Variants in LRP1-AS observed in about 807,000 individuals in gnomAD.
LRP1-AS encodes LRP1 antisense RNA.
At chr12:57,146,176 C>T (rs911375050) in intron 1 of LRP1-AS, among the ~76,000 whole-genome samples, 2 of 151,972 alleles carry the variant, frequency 1.3e-5, no homozygotes, top group Non-Finnish European at 2.9e-5. Flanking sequence ...GACCCACTGC[C>T]GGGAACAGCC....
chr12:57,146,990 T>C (rs2035422708), intron 1 of LRP1-AS, among the ~76,000 whole-genome samples: 1 of 152,066 alleles, frequency 6.6e-6, no homozygotes, highest in Admixed American at 6.5e-5. Flanking sequence ...CTATGGGGTG[T>C]CCTGGAGGTA....
exon 1 of LRP1-AS, chr12:57,147,466 A>C (rs1223398137): frequency 6.6e-6 from 1 of 152,106 alleles, no homozygotes; most frequent in Non-Finnish European, 1.5e-5. Flanking sequence ...GCCTGTAATT[A>C]GCTCCCCAAG....
At chr12:57,147,093 G>A (rs1222949574) in intron 1 of LRP1-AS, among the ~76,000 whole-genome samples, 1 of 151,708 alleles carries the variant, frequency 6.6e-6, no homozygotes, top group African/African-American at 2.4e-5. Flanking sequence ...GATTTGCCTT[G>A]CCTCCCAGTC....
At chr12:57,144,867 T>G in exon 2 of LRP1-AS, 1 of 1,182,068 alleles carries the variant, frequency 8.5e-7, no homozygotes, top group Non-Finnish European at 1.2e-6. Context: ...GAACTGTCCT[T>G]CAAGGTAGCT....
At chr12:57,146,164 T>A (rs2035401784) in intron 1 of LRP1-AS, among the ~76,000 whole-genome samples, 1 of 152,128 alleles carries the variant, frequency 6.6e-6, no homozygotes, top group Admixed American at 6.5e-5. Context: ...TAGCTGGGTG[T>A]AGACCCACTG....
At chr12:57,146,024 G>A (rs536152824) in intron 1 of LRP1-AS, among the ~76,000 whole-genome samples, 8 of 152,320 alleles carry the variant, frequency 5.3e-5, no homozygotes, top group African/African-American at 1.2e-4. Context: ...AGTGAATGAG[G>A]CTGGGAGAGG....
chr12:57,146,356 C>T (rs1001635431), intron 1 of LRP1-AS: 17 of 152,216 alleles, frequency 1.1e-4, no homozygotes, highest in Non-Finnish European at 1.8e-4. Flanking sequence ...AACCAGAATT[C>T]CCATCTCTGC....
intron 1 of LRP1-AS, chr12:57,145,285 G>A (rs760353175): frequency 2.5e-6 from 4 of 1,614,144 alleles, no homozygotes; most frequent in South Asian, 1.1e-5. Context: ...TCTTGGCCAC[G>A]TACCTGAGTG....
exon 2 of LRP1-AS, chr12:57,144,652 G>A (rs1028301194): frequency 3.0e-6 from 1 of 331,538 alleles, no homozygotes. Context: ...TTTATTATCT[G>A]AATATAAGTT....
At chr12:57,145,604 G>A (rs2035389447) in intron 1 of LRP1-AS, 4 of 1,329,758 alleles carry the variant, frequency 3.0e-6, no homozygotes, top group African/African-American at 1.4e-5. Context: ...TCTGGGGCAG[G>A]AGAAGCAGGA....
At chr12:57,145,355 A>G (rs768287811) in intron 1 of LRP1-AS, 1 of 1,614,186 alleles carries the variant, frequency 6.2e-7, no homozygotes, top group South Asian at 1.1e-5. Context: ...CATGGACTTC[A>G]GCTATGCCAA....
chr12:57,146,797 G>A (rs1300479902), intron 1 of LRP1-AS: 2 of 152,520 alleles, frequency 1.3e-5, no homozygotes, highest in East Asian at 1.9e-4. Context: ...AGCTCTTAAC[G>A]AGTGGGCGAC....
At chr12:57,144,921 G>A (rs1259421570) in exon 2 of LRP1-AS, 22 of 1,583,492 alleles carry the variant, frequency 1.4e-5, no homozygotes, top group South Asian at 2.2e-5. Flanking sequence ...CACCCACTTC[G>A]TTGCCCTTGT....
chr12:57,144,917 C>T lies in LRP1-AS; in HGVS notation n.348G>A, dbSNP rs563224087. 8.3e-5 allele frequency: 131 copies of T among 1,570,770 alleles called. No homozygotes were observed. The South Asian group carries it at 1.4e-3, about 16-fold the overall frequency. On this transcript the variant is annotated non_coding_transcript_exon_variant, in exon 2 of 2. Coordinates refer to ENST00000555461, the Ensembl canonical transcript of LRP1-AS. Reference sequence around the variant, plus strand: ...GTTGATCATGTCTGATGATCACCCACTTCGTTGCCCTTGTCACACTGGAAA... The same window carrying T: ...GTTGATCATGTCTGATGATCACCCATTTCGTTGCCCTTGTCACACTGGAAA...
At chr12:57,147,162 G>A (rs1225801870) in intron 1 of LRP1-AS, among the ~76,000 whole-genome samples, 1 of 152,014 alleles carries the variant, frequency 6.6e-6, no homozygotes, top group East Asian at 1.9e-4. Context: ...AGTCCAAGGG[G>A]AAATGCTTGT....
chr12:57,145,755 C>T (rs1039416046), intron 1 of LRP1-AS, among the ~76,000 whole-genome samples: 3 of 152,160 alleles, frequency 2.0e-5, no homozygotes, highest in African/African-American at 7.2e-5. Flanking sequence ...TCTCCAGAGA[C>T]CAGGGACTGT....
chr12:57,145,615 G>A (rs2035389668), intron 1 of LRP1-AS: 2 of 1,256,522 alleles, frequency 1.6e-6, no homozygotes, highest in East Asian at 2.3e-5. Flanking sequence ...AGAAGCAGGA[G>A]GCTGGATACA....
chr12:57,145,531 G>T, intron 1 of LRP1-AS: 1 of 1,600,720 alleles, frequency 6.2e-7, no homozygotes. Context: ...GGGGAGGGTA[G>T]GGGAGACAGG....
At chr12:57,145,588 G>A (rs1191778295) in intron 1 of LRP1-AS, 1 of 1,458,242 alleles carries the variant, frequency 6.9e-7, no homozygotes, top group African/African-American at 1.4e-5. Flanking sequence ...ACACAGGATG[G>A]TCCTGTCTGG....
Sources: gnomAD v4.1 joint callset for allele counts (sites outside exome capture counted in the v4.1 genomes callset) on GRCh38, gnomAD v4.1.1 for gene constraint, MANE v1.5 for transcripts, NCBI Gene and HGNC (gene_info 2026-07-23, HGNC 2026-07-21) for gene names.